SLTM: variants seen among roughly 807,000 people sequenced by gnomAD.
SLTM encodes the protein SAFB-like transcription modulator.
A neutral mutation model predicts 134.6 loss-of-function variants in SLTM; 43 were observed. That is an observed-to-expected ratio of 0.32 (90% CI 0.25 to 0.41). The LOEUF is 0.41. Among genes scored for constraint, SLTM ranks in the 10% least tolerant of loss-of-function variants. The pLI is 1.00. For synonymous variants in SLTM, 424 were observed against 432.3 expected, an observed-to-expected ratio of 0.98 and a Z score of 0.24; for missense variants, 1,055 against 1,288.8, an observed-to-expected ratio of 0.82 and a Z score of 2.78.
At chr15:58,903,629 T>C (rs544093719) in intron 5 of SLTM, among the ~76,000 whole-genome samples, 1 of 151,844 alleles carries the variant, frequency 6.6e-6, no homozygotes, top group Non-Finnish European at 1.5e-5. Flanking sequence ...ATGGCACATG[T>C]ATACATATGT....
rs1327271617 is a variant in SLTM at position 58,888,436 on chromosome 15, T to C, written c.2324A>G (p.Glu775Gly). 15 of 1,613,514 alleles carry C rather than the reference T, an allele frequency of 9.3e-6. No individual in the cohort carries two copies. Among genetic ancestry groups the C allele is most frequent in the Non-Finnish European group, 1.3e-5 (15 of 1,179,850 alleles). ...QNRFNDFDHR[E>G]RGRFPESSAV... The stretch of plus-strand genomic sequence containing the variant: ...TGAACTCTCAGGAAACCTGCCCCTC[T>C]CTCGGTGATCAAAGTCATTAAATCT... Residue 775 changes from glutamate (E) to glycine (G), a missense_variant, in exon 17 of 21, where the codon GAG becomes GGG. Glu to Gly is a moderately conservative substitution (Grantham distance 98). Transcript: ENST00000380516.
chr15:58,899,835 G>C lies in SLTM; in HGVS notation c.692C>G (p.Ala231Gly). 1 of 1,614,094 alleles carries C rather than the reference G, an allele frequency of 6.2e-7. No homozygotes were observed. Among genetic ancestry groups the C allele is most frequent in the South Asian group, 1.1e-5 (1 of 91,080 alleles). ...CTCAGCTTCTTTCACAGTCGTATGA[G>C]CTTCCATCTCTTCATGAGCTGTGTG... ...ADHTAHEEME[A>G]HTTVKEAEDD... Residue 231 changes from alanine (A) to glycine (G), a missense_variant, in exon 7 of 21, where the codon GCT becomes GGT. Around this residue, in one of 3 missense-constraint regions of SLTM, gnomAD observed 268 missense variants for 284.3 expected, o/e 0.94. Coordinates refer to ENST00000380516, the MANE Select transcript of SLTM (RefSeq NM_024755.4). This position sits in a 1 kb window ranked among gnomAD's most constrained non-coding sequence, Gnocchi z 5.0.
chr15:58,924,955 G>C (rs1440680016), intron 2 of SLTM, among the ~76,000 whole-genome samples: 2 of 151,714 alleles, frequency 1.3e-5, no homozygotes. Context: ...AAAGTGCTGG[G>C]ATTACAGGCG....
intron 5 of SLTM, among the ~76,000 whole-genome samples, chr15:58,901,519 A>C (rs2035486753): frequency 6.6e-6 from 1 of 152,244 alleles, no homozygotes; most frequent in Admixed American, 6.5e-5. Context: ...CAATGAGTAC[A>C]TAAATAACAA....
intron 19 of SLTM, among the ~76,000 whole-genome samples, chr15:58,886,424 G>A (rs2034216167): frequency 1.3e-5 from 2 of 151,846 alleles, no homozygotes; most frequent in South Asian, 4.2e-4. Context: ...CCACCACCAC[G>A]CCCGGCTAAT....
At chr15:58,914,136 G>C (rs8025831) in intron 3 of SLTM, among the ~76,000 whole-genome samples, 1 of 152,166 alleles carries the variant, frequency 6.6e-6, no homozygotes, top group African/African-American at 2.4e-5. Flanking sequence ...GTCTGTTCTT[G>C]AAAAATATGC....
At position 58,887,539 on chromosome 15, in the gene SLTM, G is replaced by A. The variant is rs775663177; in HGVS notation, c.2377C>T (p.Arg793Trp). The change falls in exon 18 of 21, where the codon CGG becomes TGG. Residue 793 changes from arginine to tryptophan, a missense_variant and splice_region_variant. Arg to Trp is a moderately radical substitution (Grantham distance 101, BLOSUM62 -3). Coordinates refer to ENST00000380516, the MANE Select transcript of SLTM (RefSeq NM_024755.4). Reference protein sequence around the residue: ...SAVQSSSFERRDRFVGQSEGK... With the variant: ...SAVQSSSFERWDRFVGQSEGK... The stretch of plus-strand genomic sequence containing the variant: ...TCACTTTGACCAACAAAGCGATCCC[G>A]CCTATTGATTAGAAACAAAGAATAT... 7 of 1,604,576 alleles carry A rather than the reference G, an allele frequency of 4.4e-6. No individual in the cohort carries two copies. The highest frequency in any genetic ancestry group is 6.0e-6 in the Non-Finnish European group (7 of 1,176,164).
At chr15:58,926,684 G>A (rs918777238) in intron 2 of SLTM, among the ~76,000 whole-genome samples, 3 of 149,738 alleles carry the variant, frequency 2.0e-5, no homozygotes, top group Admixed American at 6.7e-5. Flanking sequence ...GCACCATTTC[G>A]GCTCACTGCA....
In SLTM at chr15:58,879,629, T is replaced by G. The variant is rs1484388835; in HGVS notation, c.*370A>C. 1.9e-5 allele frequency: 3 copies of G among 159,826 alleles called. No homozygotes were observed. The South Asian group carries it at 5.9e-4, about 31-fold the overall frequency. 9.9% of individuals were successfully genotyped at this position (159,826 alleles called of 1,614,324 possible). On this transcript the variant is annotated 3_prime_UTR_variant, in exon 21 of 21. Coordinates refer to ENST00000380516, the MANE Select transcript of SLTM (RefSeq NM_024755.4). ...CCTTCAAAATGGAGGCTGAAAATGC[T>G]TGGTAAAAAGAAGTAACTCTAGAGC...
intron 2 of SLTM, among the ~76,000 whole-genome samples, chr15:58,922,516 T>C (rs2037137824): frequency 6.9e-6 from 1 of 144,790 alleles, no homozygotes; most frequent in African/African-American, 2.5e-5. Flanking sequence ...TATATACGTA[T>C]AAAATTTATA....
At chr15:58,890,093 A>G in intron 15 of SLTM, 188 bp downstream of exon 15, 1 of 634,262 alleles carries the variant, frequency 1.6e-6, no homozygotes, top group East Asian at 2.8e-5. Context: ...GTTATCTAGA[A>G]CAAAGTCACT....
rs1449280888 is a variant in SLTM at position 58,883,607 on chromosome 15, A to C, written c.2996+19T>G. ...AAGTGTTGGTTGTGTGCTGGCAGAAAAACTGGTTAGTTATTTACCTTGAAT... is the reference window on the plus strand; with the variant it reads ...AAGTGTTGGTTGTGTGCTGGCAGAACAACTGGTTAGTTATTTACCTTGAAT... On this transcript the variant is annotated intron_variant, in intron 20 of 20. Coordinates refer to ENST00000380516, the MANE Select transcript of SLTM (RefSeq NM_024755.4). 1.9e-6 allele frequency: 3 copies of C among 1,613,136 alleles called. No homozygotes were observed. Among genetic ancestry groups the C allele is most frequent in the East Asian group, 2.2e-5 (1 of 44,834 alleles).
intron 5 of SLTM, among the ~76,000 whole-genome samples, chr15:58,910,067 G>C (rs1328539750): frequency 6.6e-6 from 1 of 151,582 alleles, no homozygotes; most frequent in African/African-American, 2.4e-5. Context: ...AATCCTAACT[G>C]TATGTTTCAT....
At chr15:58,920,525 A>C (rs918880980) in intron 2 of SLTM, among the ~76,000 whole-genome samples, 1 of 151,946 alleles carries the variant, frequency 6.6e-6, no homozygotes, top group African/African-American at 2.4e-5. Context: ...TGGGAGGCTG[A>C]GACAGGAGAA....
chr15:58,918,519 TA>T (rs1376726165), intron 2 of SLTM, among the ~76,000 whole-genome samples: 21 of 152,188 alleles, frequency 1.4e-4, no homozygotes, highest in Non-Finnish European at 2.8e-4. Flanking sequence ...TCCAAGTATG[TA>T]AAAAACAAGA....
At chr15:58,919,228 T>C (rs1359088076) in intron 2 of SLTM, among the ~76,000 whole-genome samples, 1 of 152,186 alleles carries the variant, frequency 6.6e-6, no homozygotes. Context: ...AATTCTTCTA[T>C]TACATTTAGA....
At chr15:58,900,435 T>G in intron 6 of SLTM, 1 of 154,614 alleles carries the variant, frequency 6.5e-6, no homozygotes, top group Non-Finnish European at 1.4e-5. Context: ...GTAGTCCGGA[T>G]TCGTAGGGAA....
Position 58,893,851 on chromosome 15 carries a change from T to A in SLTM, c.1618A>T (p.Ile540Phe). The A allele has an allele frequency of 6.2e-7, 1 of 1,611,258 alleles. No individual in the cohort carries two copies. The highest frequency in any genetic ancestry group is 8.5e-7 in the Non-Finnish European group (1 of 1,179,436). The change falls in exon 12 of 21, where the codon ATT becomes TTT. Residue 540 changes from isoleucine (I) to phenylalanine (F), a missense_variant. Ile to Phe is a conservative substitution (Grantham distance 21, BLOSUM62 0). Transcript: ENST00000380516. ...CGCTTCTTTTCTTCACTTTTTTTAA[T>A]CGATTCTGATGTTTGGCCACTTGCT... ...NGASGQTSES[I>F]KKSEEKKRIS...
chr15:58,928,395 T>G (rs994816523), intron 2 of SLTM, among the ~76,000 whole-genome samples: 3 of 152,174 alleles, frequency 2.0e-5, no homozygotes, highest in Admixed American at 2.0e-4. Context: ...GTTACTTATT[T>G]AAAAGTTCAT....
Sources: gnomAD v4.1 joint callset for allele counts (sites outside exome capture counted in the v4.1 genomes callset) on GRCh38, gnomAD v4.1.1 for gene constraint, gnomAD v4.1.1 regional missense constraint, Gnocchi (gnomAD v3.1) non-coding constraint, MANE v1.5 for transcripts, NCBI Gene and HGNC (gene_info 2026-07-23, HGNC 2026-07-21) for gene names.